Variants in MYO18A observed in about 807,000 individuals in gnomAD.
The protein encoded by MYO18A is myosin XVIIIA, also known as unconventional myosin-XVIIIa.
MYO18A carries 78 observed loss-of-function variants against 235.8 expected under a neutral mutation model. The ratio of observed to expected loss-of-function variants is 0.33; its 90% CI spans 0.28 to 0.40. The LOEUF (loss-of-function observed/expected upper bound fraction) is 0.40, where lower values mean the gene tolerates loss of function less well. Among genes scored for constraint, MYO18A ranks in the 10% least tolerant of loss-of-function variants. The pLI is 1.00. For missense variants in MYO18A, 2,215 were observed against 2,699.3 expected (o/e 0.82, Z 3.98); for synonymous variants, 977 against 1,077.8 (o/e 0.91, Z 1.83).
chr17:29,102,360 C>A (rs1226437906), intron 21 of MYO18A, among the ~76,000 whole-genome samples: 4 of 152,174 alleles, frequency 2.6e-5, no homozygotes, highest in African/African-American at 9.7e-5. Context: ...GCGGGAAAGA[C>A]CAGGGTGAGT....
At chr17:29,144,209 G>T (rs1328013518) in intron 2 of MYO18A, among the ~76,000 whole-genome samples, 3 of 152,140 alleles carry the variant, frequency 2.0e-5, no homozygotes, top group Non-Finnish European at 4.4e-5. Context: ...AGCCAGCCAG[G>T]CCACCCCAAG....
At chr17:29,083,440 T>C (rs2066166716) in intron 40 of MYO18A, among the ~76,000 whole-genome samples, 1 of 151,760 alleles carries the variant, frequency 6.6e-6, no homozygotes, top group African/African-American at 2.4e-5. Context: ...CTCCTCGATA[T>C]AAATTTCCTT....
rs768182927 is a variant in MYO18A at position 29,094,101 on chromosome 17, T to C, written c.4711-11A>G. Reference sequence around the variant, plus strand: ...CAGACGCAGCTTGGCCTGGAGGTGGTTGGAGTAGGGTCTGGGTTCCCTCCC... The same window carrying C: ...CAGACGCAGCTTGGCCTGGAGGTGGCTGGAGTAGGGTCTGGGTTCCCTCCC... On this transcript the variant is annotated splice_polypyrimidine_tract_variant and intron_variant, in intron 30 of 41. Coordinates refer to ENST00000527372, the MANE Select transcript of MYO18A (RefSeq NM_078471.4). 9 of 1,590,580 alleles carry C rather than the reference T, an allele frequency of 5.7e-6. No homozygotes were observed. The highest frequency in any genetic ancestry group is 4.0e-5 in the African/African-American group (3 of 74,308).
chr17:29,122,274 T>C (rs767526360), intron 2 of MYO18A, 21 bp from the exon 3 acceptor site: 13 of 1,599,186 alleles, frequency 8.1e-6, no homozygotes, highest in Non-Finnish European at 1.0e-5. Flanking sequence ...GAGAGAAGAA[T>C]AAACAGGCCC....
At chr17:29,103,215 C>T (rs2066698798) in intron 21 of MYO18A, among the ~76,000 whole-genome samples, 1 of 152,240 alleles carries the variant, frequency 6.6e-6, no homozygotes, top group African/African-American at 2.4e-5. Context: ...GGGCTCTACC[C>T]AAGGCCTCCT....
chr17:29,143,055 G>A (rs562195016), intron 2 of MYO18A, among the ~76,000 whole-genome samples: 1 of 152,250 alleles, frequency 6.6e-6, no homozygotes, highest in African/African-American at 2.4e-5. Context: ...TGATCTGCCC[G>A]CCTTGGCCTC....
At chr17:29,119,553 A>ATTTT (rs11349517) in intron 7 of MYO18A, 118 bp from the exon 8 acceptor site, 44 of 433,446 alleles carry the variant, frequency 1.0e-4, no homozygotes, top group Middle Eastern at 6.6e-4. Flanking sequence ...AAGCAGCTGC[A>ATTTT]TTTTTTTTTT....
At chr17:29,171,069 T>C (rs2068391980) in intron 1 of MYO18A, among the ~76,000 whole-genome samples, 1 of 152,182 alleles carries the variant, frequency 6.6e-6, no homozygotes, top group East Asian at 1.9e-4. Context: ...GGGAACTTTT[T>C]GGGGTGATAT....
intron 3 of MYO18A, 83 bp from the exon 4 acceptor site, chr17:29,122,040 C>G: frequency 6.5e-7 from 1 of 1,531,926 alleles, no homozygotes; most frequent in Admixed American, 1.7e-5. Context: ...CTATCCTCCC[C>G]CCCACTGCAT....
chr17:29,099,646 G>C lies in MYO18A; in HGVS notation c.3624C>G (p.Phe1208Leu), dbSNP rs767783724. Residue 1208 changes from phenylalanine to leucine, a missense_variant, in exon 22 of 42, where the codon TTC becomes TTG. Physicochemically the swap from Phe to Leu is conservative, Grantham distance 22. Transcript: ENST00000527372. ...TCTAGAGCAGCACCTTTCTCTTCTT[G>C]AAGTGCTGGCGGGCCAGGTAGCCCC... ...ACRGYLARQH[F>L]KKRKIQDLAI... 3 of 1,613,704 alleles carry C rather than the reference G, an allele frequency of 1.9e-6. No individual in the cohort carries two copies. Among genetic ancestry groups the C allele is most frequent in the East Asian group, 4.5e-5 (2 of 44,870 alleles).
intron 37 of MYO18A, among the ~76,000 whole-genome samples, chr17:29,089,419 C>CAAAAAA (rs56389977): frequency 4.2e-5 from 1 of 23,810 alleles, no homozygotes; most frequent in Non-Finnish European, 7.5e-5. Context: ...GACTCTGTCT[C>CAAAAAA]AAAAAAAAAA....
chr17:29,178,409 C>A (rs917917482), intron 1 of MYO18A, among the ~76,000 whole-genome samples: 2 of 150,282 alleles, frequency 1.3e-5, no homozygotes, highest in African/African-American at 4.9e-5. Flanking sequence ...CACCCTCCAC[C>A]CCCACCTACA....
chr17:29,165,820 T>G, intron 2 of MYO18A, 122 bp downstream of exon 2: 2 of 940,914 alleles, frequency 2.1e-6, no homozygotes, highest in Non-Finnish European at 3.1e-6. Context: ...GCAGCAGGGC[T>G]TCCCCACTTA....
At chr17:29,131,742 G>A (rs1346382155) in intron 2 of MYO18A, among the ~76,000 whole-genome samples, 4 of 152,236 alleles carry the variant, frequency 2.6e-5, no homozygotes, top group Non-Finnish European at 4.4e-5. Context: ...CAGTGCCATC[G>A]TGGCTTTGGT....
intron 1 of MYO18A, chr17:29,176,858 C>A (rs1206144059): frequency 6.6e-6 from 1 of 152,110 alleles, no homozygotes; most frequent in Non-Finnish European, 1.5e-5. Flanking sequence ...GGGAGCCGGG[C>A]GGCCCTTGGC....
intron 23 of MYO18A, 41 bp from the exon 24 acceptor site, chr17:29,098,486 G>T (rs1453884436): frequency 6.2e-7 from 1 of 1,607,966 alleles, no homozygotes; most frequent in Admixed American, 1.7e-5. Flanking sequence ...CAAAGGCACT[G>T]CGAGGGATTG....
intron 41 of MYO18A, 141 bp downstream of exon 41, chr17:29,082,175 A>C (rs992202519): frequency 7.2e-6 from 8 of 1,108,862 alleles, no homozygotes; most frequent in East Asian, 2.4e-5. Flanking sequence ...GTGCCCATGC[A>C]CATGCCAGAA....
chr17:29,174,490 G>C lies in MYO18A; in HGVS notation c.-82+5823C>G, dbSNP rs114534852. Among the ~76,000 whole-genome samples the C allele has an allele frequency of 1.2e-3, 187 of 152,026 alleles. 2 individuals carry two copies. The highest frequency in any genetic ancestry group is 4.1e-3 in the African/African-American group (168 of 41,460). On this transcript the variant is annotated intron_variant, in intron 1 of 41. Coordinates refer to ENST00000527372, the MANE Select transcript of MYO18A (RefSeq NM_078471.4). ...TACTGTGCTCCAGCCTGGGTGGAGG[G>C]AGATTATGTCTCAAAAAATAAAAAA...
chr17:29,168,480 TCTCTGAAAGCCTACCC>T (rs749077256), intron 1 of MYO18A, among the ~76,000 whole-genome samples: 3 of 150,780 alleles, frequency 2.0e-5, no homozygotes, highest in Non-Finnish European at 4.5e-5. Context: ...TTTTTCTCTC[TCTCTGAAAGCCTACCC>T]CTCTGAGTTT....
Sources: gnomAD v4.1 joint callset for allele counts (sites outside exome capture counted in the v4.1 genomes callset) on GRCh38, gnomAD v4.1.1 for gene constraint, MANE v1.5 for transcripts, NCBI Gene and HGNC (gene_info 2026-07-23, HGNC 2026-07-21) for gene names.